The following LEKR1 variants were observed in gnomAD, a reference collection of about 807,000 sequenced individuals.
The protein encoded by LEKR1 is leucine, glutamate and lysine rich 1, also known as protein LEKR1.
LEKR1 carries 59 observed loss-of-function variants against 72.4 expected under a neutral mutation model. The ratio of observed to expected loss-of-function variants is 0.82; its 90% CI spans 0.66 to 1.01. The LOEUF is 1.01. LEKR1 is among the 50% of genes least tolerant of loss of function. The pLI, the probability that LEKR1 is intolerant of heterozygous loss-of-function variation, is 0.00. For synonymous variants in LEKR1, 257 were observed against 263.2 expected (o/e 0.98, Z 0.23); for missense variants, 728 against 759.2 (o/e 0.96, Z 0.48).
chr3:156,925,950 T>G (rs1724674746), intron 4 of LEKR1, among the ~76,000 whole-genome samples: 1 of 151,960 alleles, frequency 6.6e-6, no homozygotes, highest in African/African-American at 2.4e-5. Context: ...ATTTTTAAAA[T>G]TAATCAAATA....
chr3:157,011,366 G>C (rs1314416877), intron 9 of LEKR1, 47 bp from the exon 10 acceptor site: 1 of 1,254,572 alleles, frequency 8.0e-7, no homozygotes, highest in African/African-American at 1.5e-5. Context: ...CTTAGGAATT[G>C]TGTTAGGGGT....
chr3:156,953,482 A>T (rs972324997), intron 6 of LEKR1, among the ~76,000 whole-genome samples: 10 of 151,556 alleles, frequency 6.6e-5, no homozygotes, highest in African/African-American at 2.4e-4. Flanking sequence ...TCCCTTAGTT[A>T]TTCTTCCTGA....
intron 7 of LEKR1, among the ~76,000 whole-genome samples, chr3:156,987,966 G>A (rs915433814): frequency 6.6e-6 from 1 of 152,174 alleles, no homozygotes; most frequent in African/African-American, 2.4e-5. Context: ...GTAATGTCAA[G>A]TGGAAACCCT....
At chr3:156,964,637 T>A (rs1728405329) in intron 6 of LEKR1, among the ~76,000 whole-genome samples, 1 of 152,036 alleles carries the variant, frequency 6.6e-6, no homozygotes, top group African/African-American at 2.4e-5. Flanking sequence ...TTTTGCCTAT[T>A]TTACTGCCAT....
intron 2 of LEKR1, among the ~76,000 whole-genome samples, chr3:156,839,908 C>T (rs6441097): frequency 0.045 from 6,814 of 152,120 alleles, 546 homozygotes; most frequent in African/African-American, 0.16. Context: ...GACATATTTC[C>T]TCAAAGTTAC....
intron 5 of LEKR1, among the ~76,000 whole-genome samples, chr3:156,930,871 T>C (rs748774950): frequency 5.9e-5 from 9 of 152,134 alleles, no homozygotes; most frequent in Non-Finnish European, 1.2e-4. Context: ...TAGAAAAATA[T>C]ACCTCAACTT....
At chr3:156,849,597 A>C (rs1268861768) in intron 2 of LEKR1, among the ~76,000 whole-genome samples, 1 of 152,208 alleles carries the variant, frequency 6.6e-6, no homozygotes, top group Non-Finnish European at 1.5e-5. Flanking sequence ...CCTCAGAAAT[A>C]ATGCCACATA....
intron 10 of LEKR1, among the ~76,000 whole-genome samples, chr3:157,015,203 C>T (rs772670556): frequency 2.6e-5 from 4 of 152,048 alleles, no homozygotes; most frequent in Admixed American, 1.3e-4. Flanking sequence ...AACCTTGCAG[C>T]GTCCTGGGAG....
At chr3:156,869,208 A>T (rs1478694713) in intron 3 of LEKR1, among the ~76,000 whole-genome samples, 2 of 151,992 alleles carry the variant, frequency 1.3e-5, no homozygotes, top group African/African-American at 4.8e-5. Context: ...CCTTTGGATA[A>T]ATGTCCTGTA....
chr3:156,924,435 A>G (rs909666279), intron 4 of LEKR1: 41 of 602,392 alleles, frequency 6.8e-5, no homozygotes, highest in Non-Finnish European at 4.7e-5. Context: ...TTTCTTAATA[A>G]TGTCTTTTGA....
At chr3:156,994,116 T>C (rs372749384) in intron 9 of LEKR1, among the ~76,000 whole-genome samples, 1 of 152,252 alleles carries the variant, frequency 6.6e-6, no homozygotes, top group East Asian at 1.9e-4. Flanking sequence ...GATAGGTTAT[T>C]TGTTTTTCAT....
rs900562731 is a variant in LEKR1 at position 156,831,923 on chromosome 3, A to G, written c.48+2546A>G. Among the ~76,000 whole-genome samples the G allele has an allele frequency of 2.0e-5, 3 of 152,064 alleles. No individual in the cohort carries two copies. The South Asian group carries it at 6.2e-4, about 32-fold the overall frequency. ...TCTCACTGTTACAATTTTTGCAAAG[A>G]CAGTTTTAATCCCCCTCCTTTGGGT... is the stretch of plus-strand genomic sequence containing the variant. On this transcript the variant is annotated intron_variant, in intron 2 of 12. Coordinates refer to ENST00000356539, the MANE Select transcript of LEKR1 (RefSeq NM_001004316.3).
At chr3:156,856,169 A>G (rs1716036120) in intron 3 of LEKR1, among the ~76,000 whole-genome samples, 1 of 152,130 alleles carries the variant, frequency 6.6e-6, no homozygotes, top group Admixed American at 6.5e-5. Context: ...TTCCAATTTC[A>G]TGTTTGTTGT....
chr3:156,935,052 G>A (rs1423206045), intron 5 of LEKR1, among the ~76,000 whole-genome samples: 1 of 152,042 alleles, frequency 6.6e-6, no homozygotes, highest in East Asian at 1.9e-4. Flanking sequence ...AAGTGGAATT[G>A]CAGAATCAAA....
intron 3 of LEKR1, among the ~76,000 whole-genome samples, chr3:156,902,842 A>G (rs1193817295): frequency 1.3e-5 from 2 of 152,038 alleles, no homozygotes; most frequent in Non-Finnish European, 2.9e-5. Flanking sequence ...TTATTTTTAT[A>G]ATATATATAG....
At chr3:157,012,229 AC>A (rs1197581686) in intron 10 of LEKR1, among the ~76,000 whole-genome samples, 1 of 152,088 alleles carries the variant, frequency 6.6e-6, no homozygotes, top group Non-Finnish European at 1.5e-5. Flanking sequence ...GCCCTATTCT[AC>A]ACACTGACCC....
At chr3:156,898,658 T>A (rs1721448463) in intron 3 of LEKR1, among the ~76,000 whole-genome samples, 3 of 152,258 alleles carry the variant, frequency 2.0e-5, no homozygotes, top group African/African-American at 7.2e-5. Flanking sequence ...CTTAGAAGCA[T>A]TACAGGAAAA....
intron 7 of LEKR1, among the ~76,000 whole-genome samples, chr3:156,982,584 G>A (rs1471535340): frequency 2.0e-5 from 3 of 152,124 alleles, no homozygotes; most frequent in Non-Finnish European, 4.4e-5. Flanking sequence ...ACTCTGATGG[G>A]CAGGAAATAA....
At chr3:156,968,506 A>G (rs936088288) in intron 6 of LEKR1, among the ~76,000 whole-genome samples, 1 of 152,206 alleles carries the variant, frequency 6.6e-6, no homozygotes, top group Non-Finnish European at 1.5e-5. Context: ...CTTTAAACCA[A>G]CAAAGATCAA....
Sources: allele counts gnomAD v4.1 joint callset (sites outside exome capture counted in the v4.1 genomes callset), GRCh38; gene constraint gnomAD v4.1.1; transcripts MANE v1.5; gene names NCBI Gene and HGNC (gene_info 2026-07-23, HGNC 2026-07-21).